ASXL3: variants seen among roughly 807,000 people sequenced by gnomAD.
The protein encoded by ASXL3 is ASXL transcriptional regulator 3.
ASXL3 carries 34 observed loss-of-function variants against 170.6 expected under a neutral mutation model. That is an observed-to-expected ratio of 0.20 (90% confidence interval 0.15 to 0.27). The LOEUF (loss-of-function observed/expected upper bound fraction) is 0.27. ASXL3 is among the 10% of genes least tolerant of loss of function. The pLI is 1.00. For synonymous variants in ASXL3, 1,002 were observed against 989.1 expected, an observed-to-expected ratio of 1.01 and a Z score of -0.24; for missense variants, 2,592 against 2,695.3, an observed-to-expected ratio of 0.96 and a Z score of 0.85.
chr18:33,688,287 T>C (rs527810499), intron 8 of ASXL3, among the ~76,000 whole-genome samples: 2 of 152,244 alleles, frequency 1.3e-5, no homozygotes, highest in Admixed American at 1.3e-4. Context: ...AAAAATCTGT[T>C]TTTTAGAAGT....
chr18:33,727,134 C>T (rs1349445842), intron 8 of ASXL3, among the ~76,000 whole-genome samples: 2 of 151,924 alleles, frequency 1.3e-5, no homozygotes, highest in African/African-American at 4.8e-5. Context: ...CTTTGAATGA[C>T]TCCTCGTTGT....
At chr18:33,705,822 T>C (rs1047867047) in intron 8 of ASXL3, among the ~76,000 whole-genome samples, 1 of 151,940 alleles carries the variant, frequency 6.6e-6, no homozygotes, top group Non-Finnish European at 1.5e-5. Flanking sequence ...TCTAAAATGG[T>C]AGCATATCCT....
chr18:33,681,197 T>C (rs573940091), intron 7 of ASXL3, among the ~76,000 whole-genome samples: 127 of 152,238 alleles, frequency 8.3e-4, no homozygotes, highest in Non-Finnish European at 1.5e-3. Context: ...TTATTTCCAC[T>C]TTGTTTGATT....
chr18:33,679,718 A>T (rs1037836532), intron 7 of ASXL3, among the ~76,000 whole-genome samples: 11 of 152,084 alleles, frequency 7.2e-5, no homozygotes, highest in Non-Finnish European at 1.2e-4. Flanking sequence ...CACATTTATC[A>T]TTCTCTTTTC....
At chr18:33,727,082 G>T (rs889389013) in intron 8 of ASXL3, among the ~76,000 whole-genome samples, 1 of 151,854 alleles carries the variant, frequency 6.6e-6, no homozygotes, top group Non-Finnish European at 1.5e-5. Context: ...CATCTTCCCC[G>T]CACATACTCA....
In ASXL3 at chr18:33,678,463, G is replaced by A. The variant is rs146437197; in HGVS notation, c.716-4942G>A. Among the ~76,000 whole-genome samples the A allele has an allele frequency of 2.6e-5, 4 of 152,330 alleles. No individual in the cohort carries two copies. In the East Asian group the frequency reaches 7.7e-4, roughly 29 times the overall value. ...CAGCAGACTACCCAGTGATCAATAA[G>A]TGTTCTGGAGCCTGCAACTTTCACA... On this transcript the variant is annotated intron_variant, in intron 7 of 11. Coordinates refer to ENST00000269197, the MANE Select transcript of ASXL3 (RefSeq NM_030632.3).
At chr18:33,685,121 T>C (rs1245205713) in intron 8 of ASXL3, among the ~76,000 whole-genome samples, 1 of 152,180 alleles carries the variant, frequency 6.6e-6, no homozygotes, top group African/African-American at 2.4e-5. Context: ...ATAAGACCAT[T>C]ACTTTTTAAG....
intron 2 of ASXL3, among the ~76,000 whole-genome samples, chr18:33,632,766 C>T (rs531225737): frequency 4.6e-5 from 7 of 152,286 alleles, no homozygotes; most frequent in East Asian, 1.9e-4. Context: ...AGGCCAGTCC[C>T]GCAGGCTTCT....
At chr18:33,672,684 C>T (rs144126810) in intron 7 of ASXL3, among the ~76,000 whole-genome samples, 3 of 152,234 alleles carry the variant, frequency 2.0e-5, no homozygotes, top group Admixed American at 6.5e-5. Context: ...AATTTATTGA[C>T]GTGAACTTTA....
rs188943357 is a variant in ASXL3 at position 33,635,640 on chromosome 18, G to A, written c.138-9254G>A. ...TAGTTTAATCTGGCCAGCCTTACTGGTGATGAAATCAATCCTATTTTATCG... is the reference window on the plus strand; with the variant it reads ...TAGTTTAATCTGGCCAGCCTTACTGATGATGAAATCAATCCTATTTTATCG... On this transcript the variant is annotated intron_variant, in intron 2 of 11. Transcript: ENST00000269197. 3.3e-5 allele frequency among the ~76,000 whole-genome samples: 5 copies of A among 152,246 alleles called. No individual in the cohort carries two copies. The East Asian group carries it at 9.7e-4, about 29-fold the overall frequency.
intron 2 of ASXL3, among the ~76,000 whole-genome samples, chr18:33,613,931 A>G (rs185650363): frequency 6.6e-6 from 1 of 152,212 alleles, no homozygotes; most frequent in East Asian, 1.9e-4. Context: ...TCTGAAAACC[A>G]ATGATAACAA....
At chr18:33,650,229 A>G (rs2065975963) in intron 4 of ASXL3, among the ~76,000 whole-genome samples, 1 of 152,144 alleles carries the variant, frequency 6.6e-6, no homozygotes, top group Admixed American at 6.6e-5. Flanking sequence ...AGAGTAACCA[A>G]GAGTTGGCAG....
chr18:33,720,449 G>A (rs866881716), intron 8 of ASXL3, among the ~76,000 whole-genome samples: 1 of 152,004 alleles, frequency 6.6e-6, no homozygotes, highest in Non-Finnish European at 1.5e-5. Context: ...TAGTATTCAT[G>A]GTTGGGTACA....
In ASXL3 at chr18:33,743,788, A is replaced by C. The variant is rs755687438; in HGVS notation, c.3940A>C (p.Ile1314Leu). ...PISATTEGSS[I>L]SSSMDDKQLL... ...TTCAGCCACTACAGAGGGCTCCAGC[A>C]TATCAAGCTCCATGGATGATAAGCA... Residue 1314 changes from isoleucine (I) to leucine (L), a missense_variant, in exon 12 of 12, where the codon ATA becomes CTA. Physicochemically the swap from Ile to Leu is conservative, Grantham distance 5. This residue lies in a region of ASXL3 where 2,246 missense variants were observed against 2,219.6 expected (regional missense o/e 1.01). Coordinates refer to ENST00000269197, the MANE Select transcript of ASXL3 (RefSeq NM_030632.3). The C allele has an allele frequency of 7.4e-6, 12 of 1,613,878 alleles. No individual in the cohort carries two copies. The highest frequency in any genetic ancestry group is 9.3e-6 in the Non-Finnish European group (11 of 1,179,904).
chr18:33,718,808 C>G (rs569806767), intron 8 of ASXL3, among the ~76,000 whole-genome samples: 4 of 151,692 alleles, frequency 2.6e-5, no homozygotes, highest in Admixed American at 2.0e-4. Context: ...AGCCCATTAC[C>G]TCCTCCATTT....
At chr18:33,596,537 C>T (rs180866156) in intron 1 of ASXL3, among the ~76,000 whole-genome samples, 11 of 152,152 alleles carry the variant, frequency 7.2e-5, no homozygotes, top group East Asian at 1.9e-4. Flanking sequence ...TCATTTTATA[C>T]GATTATCTAA....
intron 1 of ASXL3, among the ~76,000 whole-genome samples, chr18:33,590,179 T>A (rs2065066612): frequency 6.7e-6 from 1 of 148,738 alleles, no homozygotes; most frequent in Non-Finnish European, 1.5e-5. Flanking sequence ...TCTATTTAGG[T>A]ATTGGACAAG....
intron 8 of ASXL3, among the ~76,000 whole-genome samples, chr18:33,713,350 C>T (rs1381737027): frequency 2.8e-5 from 4 of 144,124 alleles, no homozygotes; most frequent in Admixed American, 1.4e-4. Flanking sequence ...CACCCCCCCC[C>T]GGGTTCAAGT....
intron 2 of ASXL3, among the ~76,000 whole-genome samples, chr18:33,610,386 A>G (rs1325642268): frequency 1.3e-5 from 2 of 151,924 alleles, no homozygotes; most frequent in African/African-American, 4.8e-5. Flanking sequence ...GGTCTCTTCT[A>G]TGGATGAAAG....
Sources: allele counts gnomAD v4.1 joint callset (sites outside exome capture counted in the v4.1 genomes callset), GRCh38; gene constraint gnomAD v4.1.1; regional missense constraint gnomAD v4.1.1; transcripts MANE v1.5; gene names NCBI Gene and HGNC (gene_info 2026-07-23, HGNC 2026-07-21).